Variants in RAD52 observed in about 807,000 individuals in gnomAD.
The protein encoded by RAD52 is DNA repair protein RAD52 homolog.
In RAD52, 47 loss-of-function variants were observed where a neutral mutation model predicts 55.5. That is an observed-to-expected ratio of 0.85 (90% CI 0.67 to 1.08). The LOEUF is 1.08. Among genes scored for constraint, RAD52 ranks in the 50% least tolerant of loss-of-function variants. The pLI, the probability that RAD52 is intolerant of heterozygous loss-of-function variation, is 0.00. For missense variants in RAD52, 468 were observed against 522.8 expected (o/e 0.90, Z 1.02); for synonymous variants, 184 against 198.9 (o/e 0.92, Z 0.63).
intron 1 of RAD52, among the ~76,000 whole-genome samples, chr12:977,646 A>C (rs1958951638): frequency 6.6e-6 from 1 of 152,164 alleles, no homozygotes; most frequent in Non-Finnish European, 1.5e-5. Context: ...CACTCTAACA[A>C]CACCAGTAGG....
Position 932,950 on chromosome 12 carries a change from C to T in RAD52, c.84+25G>A, listed in dbSNP as rs984348839. Reference sequence around the variant, plus strand: ...CTTTACTCACTTCACCTCATTCTTTCCCGGCATGAAGGAACCACAGTTACC... The same window carrying T: ...CTTTACTCACTTCACCTCATTCTTTTCCGGCATGAAGGAACCACAGTTACC... On this transcript the variant is annotated intron_variant, in intron 2 of 11. Transcript: ENST00000358495. 3 of 1,612,014 alleles carry T rather than the reference C, an allele frequency of 1.9e-6. No homozygotes were observed. The African/African-American group carries it at 4.0e-5, about 22-fold the overall frequency.
At position 920,353 on chromosome 12, in the gene RAD52, G is replaced by A. The variant is rs1956652730; in HGVS notation, c.544-3533C>T. ...GGGCAGATCACGAGGTCAGGATATC[G>A]AGACCATCCTGGCTAACATGGTGAA... On this transcript the variant is annotated intron_variant, in intron 7 of 11. Coordinates refer to ENST00000358495, the MANE Select transcript of RAD52 (RefSeq NM_134424.4). Among the ~76,000 whole-genome samples, 2 of 117,122 alleles carry A rather than the reference G, an allele frequency of 1.7e-5. 1 individual carries two copies. Among genetic ancestry groups the A allele is most frequent in the African/African-American group, 7.1e-5 (2 of 28,296 alleles). 76.8% of individuals were successfully genotyped at this position (117,122 alleles called of 152,430 possible).
chr12:926,149 C>T (rs888673959), intron 6 of RAD52, among the ~76,000 whole-genome samples: 2 of 152,034 alleles, frequency 1.3e-5, no homozygotes, highest in South Asian at 2.1e-4. Context: ...TTAGTGCCAT[C>T]CCCTTGGTGT....
chr12:926,977 G>A (rs1344070222), intron 6 of RAD52, 168 bp downstream of exon 6: 20 of 1,566,416 alleles, frequency 1.3e-5, no homozygotes, highest in African/African-American at 4.0e-5. Flanking sequence ...AAATACTAAC[G>A]AAAGTGGGAA....
chr12:945,846 A>G (rs1383538730), intron 1 of RAD52, among the ~76,000 whole-genome samples: 1 of 151,374 alleles, frequency 6.6e-6, no homozygotes, highest in Non-Finnish European at 1.5e-5. Flanking sequence ...AACATGGTGA[A>G]ACTCCGTCTC....
upstream of RAD52, chr12:990,058 A>C (rs1443996278): frequency 1.3e-5 from 2 of 152,214 alleles, no homozygotes; most frequent in African/African-American, 2.4e-5. Flanking sequence ...GGGAACAGTT[A>C]AGAGTCCGGG....
intron 1 of RAD52, among the ~76,000 whole-genome samples, chr12:955,079 T>C (rs180987679): frequency 6.6e-6 from 1 of 152,176 alleles, no homozygotes; most frequent in African/African-American, 2.4e-5. Flanking sequence ...AATAAACACA[T>C]TAATTAGAAT....
Position 970,257 on chromosome 12 carries a change from T to A in RAD52, c.-19+19552A>T, listed in dbSNP as rs998809015. Among the ~76,000 whole-genome samples the A allele has an allele frequency of 3.0e-5, 4 of 132,658 alleles. No homozygotes were observed. The East Asian group carries it at 9.2e-4, about 31-fold the overall frequency. The allele number at this position is 132,658 out of a possible 152,430, so 87.0% of individuals were successfully genotyped here. On this transcript the variant is annotated intron_variant, in intron 1 of 11. Coordinates refer to the RAD52 transcript ENST00000430095. ...TCACCTGAACCCAGGAGGTGAAGGC[T>A]GCAGTAAGTTGAGATGGCACTACTG...
chr12:941,965 AGAAG>A (rs1034688493), intron 1 of RAD52, among the ~76,000 whole-genome samples: 4 of 152,130 alleles, frequency 2.6e-5, no homozygotes, highest in Non-Finnish European at 5.9e-5. Context: ...GGCTTAAATA[AGAAG>A]GAAAATGCAC....
At chr12:931,594 T>C (rs755996047) in intron 2 of RAD52, among the ~76,000 whole-genome samples, 3 of 152,200 alleles carry the variant, frequency 2.0e-5, no homozygotes, top group Non-Finnish European at 4.4e-5. Context: ...AGGCAAATAG[T>C]ATTATTATGA....
chr12:924,786 G>C (rs1956932868), intron 7 of RAD52, among the ~76,000 whole-genome samples: 1 of 152,154 alleles, frequency 6.6e-6, no homozygotes, highest in Non-Finnish European at 1.5e-5. Flanking sequence ...CTAAGGAAAA[G>C]AAAGAAGGCT....
intron 5 of RAD52, among the ~76,000 whole-genome samples, chr12:928,606 T>C (rs1254149636): frequency 3.3e-5 from 5 of 152,172 alleles, no homozygotes; most frequent in Non-Finnish European, 7.3e-5. Context: ...ATCCATCTCA[T>C]TAAGATATAC....
chr12:981,364 C>CAAT (rs550821435), intron 1 of RAD52, among the ~76,000 whole-genome samples: 34 of 151,730 alleles, frequency 2.2e-4, no homozygotes, highest in African/African-American at 8.0e-4. Flanking sequence ...ACCACCACAA[C>CAAT]AATAATAAAA....
chr12:954,429 T>C (rs1958577995), upstream of RAD52, among the ~76,000 whole-genome samples: 1 of 152,084 alleles, frequency 6.6e-6, no homozygotes, highest in African/African-American at 2.4e-5. Flanking sequence ...GTCAGGAGTT[T>C]GAGACCAGCC....
upstream of RAD52, chr12:990,952 A>AGTCT (rs1555185838): frequency 2.1e-3 from 313 of 150,144 alleles, 3 homozygotes; most frequent in African/African-American, 7.0e-3. Flanking sequence ...TGTGTGTGTG[A>AGTCT]GTGTGTGTGT....
intron 1 of RAD52, among the ~76,000 whole-genome samples, chr12:980,883 G>A (rs1027986431): frequency 6.6e-6 from 1 of 152,090 alleles, no homozygotes; most frequent in African/African-American, 2.4e-5. Flanking sequence ...TGAGTTTTGG[G>A]GGAATACAAT....
chr12:925,099 C>A (rs1956958328), intron 7 of RAD52, among the ~76,000 whole-genome samples: 3 of 151,906 alleles, frequency 2.0e-5, no homozygotes, highest in Admixed American at 2.0e-4. Flanking sequence ...TACAGGCGCC[C>A]ACCACCTCGC....
upstream of RAD52, among the ~76,000 whole-genome samples, chr12:953,328 A>G (rs1384385958): frequency 6.6e-6 from 1 of 151,940 alleles, no homozygotes; most frequent in Non-Finnish European, 1.5e-5. Context: ...TAAAAATAAG[A>G]AAACAGAGAC....
chr12:972,071 C>T (rs1363126359), intron 1 of RAD52, among the ~76,000 whole-genome samples: 2 of 152,094 alleles, frequency 1.3e-5, no homozygotes, highest in Admixed American at 1.3e-4. Context: ...GAATTAATCA[C>T]AAAATATGGG....
Sources: gnomAD v4.1 joint callset for allele counts (sites outside exome capture counted in the v4.1 genomes callset) on GRCh38, gnomAD v4.1.1 for gene constraint, MANE v1.5 for transcripts, NCBI Gene and HGNC (gene_info 2026-07-23, HGNC 2026-07-21) for gene names.